Variants in FNBP1L observed in about 807,000 individuals in gnomAD.
The protein encoded by FNBP1L is formin-binding protein 1-like.
In FNBP1L, 36 loss-of-function variants were observed where a neutral mutation model predicts 91.2. The observed-to-expected ratio is 0.39, with a 90% CI of 0.30 to 0.52. The LOEUF is 0.52. Among genes scored for constraint, FNBP1L ranks in the 20% least tolerant of loss-of-function variants. The pLI is 0.66. For missense variants in FNBP1L, 571 were observed against 732.1 expected (o/e 0.78, Z 2.54); for synonymous variants, 242 against 237.0 (o/e 1.02, Z -0.19).
intron 2 of FNBP1L, among the ~76,000 whole-genome samples, chr1:93,515,989 T>C (rs1239061409): frequency 6.6e-6 from 1 of 152,228 alleles, no homozygotes; most frequent in Non-Finnish European, 1.5e-5. Flanking sequence ...CATCATCTGA[T>C]AAAGATTTAT....
intron 14 of FNBP1L, 59 bp downstream of exon 14, chr1:93,547,500 C>A: frequency 1.4e-6 from 2 of 1,403,244 alleles, no homozygotes; most frequent in Non-Finnish European, 9.8e-7. Context: ...CCCTTTTGTC[C>A]TAAACTTTAT....
At chr1:93,523,227 G>A in intron 3 of FNBP1L, 117 bp from the exon 4 acceptor site, 1 of 972,758 alleles carries the variant, frequency 1.0e-6, no homozygotes, top group Non-Finnish European at 1.4e-6. Flanking sequence ...AGAACTAGTA[G>A]CTGAGATTTA....
intron 1 of FNBP1L, among the ~76,000 whole-genome samples, chr1:93,467,092 A>G (rs1297736490): frequency 6.6e-6 from 1 of 152,134 alleles, no homozygotes; most frequent in Non-Finnish European, 1.5e-5. Flanking sequence ...CCTGACCTCA[A>G]GTTATCCACC....
chr1:93,477,248 G>T (rs1669528286), intron 1 of FNBP1L, among the ~76,000 whole-genome samples: 1 of 152,224 alleles, frequency 6.6e-6, no homozygotes. Context: ...CAGGGTAGTA[G>T]ATGGCTAATT....
intron 1 of FNBP1L, among the ~76,000 whole-genome samples, chr1:93,497,213 C>T (rs943229808): frequency 3.3e-5 from 5 of 151,960 alleles, no homozygotes; most frequent in African/African-American, 1.2e-4. Flanking sequence ...CCGCCCACCT[C>T]GGCCTCCCAA....
chr1:93,492,421 C>T (rs1670124535), intron 1 of FNBP1L, among the ~76,000 whole-genome samples: 1 of 152,222 alleles, frequency 6.6e-6, no homozygotes, highest in South Asian at 2.1e-4. Context: ...GATCCACTGA[C>T]ATAAGGAGAA....
chr1:93,456,463 C>T (rs1245604165), intron 1 of FNBP1L, among the ~76,000 whole-genome samples: 1 of 152,004 alleles, frequency 6.6e-6, no homozygotes, highest in African/African-American at 2.4e-5. Flanking sequence ...TGTGTCCTTG[C>T]TGCACACCCA....
chr1:93,448,553 G>A (rs1363529025), intron 1 of FNBP1L, among the ~76,000 whole-genome samples: 1 of 152,164 alleles, frequency 6.6e-6, no homozygotes. Context: ...GCCCGGGACG[G>A]CCGGGGGAGC....
At chr1:93,542,443 GAAAAA>G (rs61650755) in intron 11 of FNBP1L, among the ~76,000 whole-genome samples, 1 of 82,558 alleles carries the variant, frequency 1.2e-5, no homozygotes, top group African/African-American at 4.6e-5. Context: ...ATTGGTAAAT[GAAAAA>G]AAAAAAAAAA....
At chr1:93,451,986 T>TTA (rs1262052906) in intron 1 of FNBP1L, among the ~76,000 whole-genome samples, 1 of 152,212 alleles carries the variant, frequency 6.6e-6, no homozygotes, top group Admixed American at 6.5e-5. Context: ...TTGACAAAGC[T>TTA]TATATCTTTT....
rs182784552 is a variant in FNBP1L at position 93,487,115 on chromosome 1, A to C, written c.25-12353A>C. 3.3e-5 allele frequency among the ~76,000 whole-genome samples: 5 copies of C among 152,312 alleles called. No individual in the cohort carries two copies. In the South Asian group the frequency reaches 1.0e-3, roughly 32 times the overall value. Reference sequence around the variant, plus strand: ...GACAGTCAATGATCTGCATGTTGCTAAAGTGGTCAGTTTTCAGTCTTTTTA... The same window carrying C: ...GACAGTCAATGATCTGCATGTTGCTCAAGTGGTCAGTTTTCAGTCTTTTTA... On this transcript the variant is annotated intron_variant, in intron 1 of 16. Transcript: ENST00000271234.
At position 93,518,164 on chromosome 1, in the gene FNBP1L, C is replaced by T. The variant is rs183752296; in HGVS notation, c.141-3918C>T. 2.8e-3 allele frequency among the ~76,000 whole-genome samples: 420 copies of T among 152,280 alleles called. 1 individual carries two copies. Among genetic ancestry groups the T allele is most frequent in the Middle Eastern group, 0.014 (4 of 294 alleles). Reference sequence around the variant, plus strand: ...TTCTAGTTTTTACTATATATCTCTACTGGGCATTTTTATTTAACTCTTCTA... The same window carrying T: ...TTCTAGTTTTTACTATATATCTCTATTGGGCATTTTTATTTAACTCTTCTA... On this transcript the variant is annotated intron_variant, in intron 2 of 16. Coordinates refer to ENST00000271234, the MANE Select transcript of FNBP1L (RefSeq NM_001164473.3).
At chr1:93,509,359 T>C (rs533178508) in intron 2 of FNBP1L, among the ~76,000 whole-genome samples, 3 of 152,324 alleles carry the variant, frequency 2.0e-5, no homozygotes, top group African/African-American at 7.2e-5. Context: ...ACACAAGCTC[T>C]AAATGCTTCA....
At chr1:93,527,954 A>C (rs993308464) in intron 5 of FNBP1L, among the ~76,000 whole-genome samples, 1 of 152,110 alleles carries the variant, frequency 6.6e-6, no homozygotes, top group Non-Finnish European at 1.5e-5. Flanking sequence ...AAACATATAA[A>C]GAACAAAAAA....
In FNBP1L at chr1:93,533,854, T is replaced by C. The variant is rs532341092; in HGVS notation, c.786+786T>C. On this transcript the variant is annotated intron_variant, in intron 8 of 16. Coordinates refer to ENST00000271234, the MANE Select transcript of FNBP1L (RefSeq NM_001164473.3). ...AGCCCTCTTCTCTCTAATTACCCTT[T>C]AGCAAATTATTGCTGAGGGTAGCAT... 5.3e-5 allele frequency among the ~76,000 whole-genome samples: 8 copies of C among 152,298 alleles called. No homozygotes were observed. In the South Asian group the frequency reaches 1.7e-3, roughly 32 times the overall value.
At chr1:93,474,453 A>G (rs576663850) in intron 1 of FNBP1L, among the ~76,000 whole-genome samples, 6 of 152,310 alleles carry the variant, frequency 3.9e-5, no homozygotes, top group Admixed American at 3.9e-4. Context: ...AAGTATTGAG[A>G]TAAGATAAGC....
intron 12 of FNBP1L, among the ~76,000 whole-genome samples, chr1:93,545,187 G>C (rs1672182818): frequency 6.6e-6 from 1 of 151,990 alleles, no homozygotes; most frequent in Non-Finnish European, 1.5e-5. Flanking sequence ...CAGAACACTA[G>C]ACAGCACTTG....
At chr1:93,517,786 T>A (rs1344147238) in intron 2 of FNBP1L, among the ~76,000 whole-genome samples, 2 of 152,240 alleles carry the variant, frequency 1.3e-5, no homozygotes, top group Non-Finnish European at 2.9e-5. Context: ...CTACCTTTCA[T>A]TTCATACTTC....
In FNBP1L at chr1:93,544,328, T is replaced by A. The variant is rs189218064; in HGVS notation, c.1274+112T>A. On this transcript the variant is annotated intron_variant, in intron 12 of 16. Coordinates refer to ENST00000271234, the MANE Select transcript of FNBP1L (RefSeq NM_001164473.3). Reference sequence around the variant, plus strand: ...AAAATCATATATCCTAATTGAAATATCTTTTGAGAGAGAATTATACTCCTA... The same window carrying A: ...AAAATCATATATCCTAATTGAAATAACTTTTGAGAGAGAATTATACTCCTA... The A allele has an allele frequency of 4.9e-5, 29 of 588,182 alleles. No homozygotes were observed. The South Asian group carries it at 7.1e-4, about 14-fold the overall frequency. 36.4% of individuals were successfully genotyped at this position (588,182 alleles called of 1,614,324 possible).
Sources: gnomAD v4.1 joint callset for allele counts (sites outside exome capture counted in the v4.1 genomes callset) on GRCh38, gnomAD v4.1.1 for gene constraint, MANE v1.5 for transcripts, NCBI Gene and HGNC (gene_info 2026-07-23, HGNC 2026-07-21) for gene names.